NR3C1: variants seen among roughly 807,000 people sequenced by gnomAD.
The protein encoded by NR3C1 is glucocorticoid receptor.
NR3C1 carries 14 observed loss-of-function variants against 74.0 expected under a neutral mutation model. That is an observed-to-expected ratio of 0.19 (90% CI 0.12 to 0.30). The LOEUF is 0.30. Ranked by LOEUF, NR3C1 falls within the 10% of genes least tolerant of loss-of-function variation. The pLI is 1.00. For synonymous variants in NR3C1, 308 were observed against 332.5 expected (o/e 0.93, Z 0.80); for missense variants, 695 against 909.8 (o/e 0.76, Z 3.04).
chr5:143,426,088 A>G (rs576854329), intron 1 of NR3C1, among the ~76,000 whole-genome samples: 69 of 152,326 alleles, frequency 4.5e-4, no homozygotes, highest in African/African-American at 1.6e-3. Flanking sequence ...AGAAACCTTT[A>G]ATACAGTATG....
At chr5:143,353,362 CAAATTCTT>C (rs1460672683) in intron 2 of NR3C1, among the ~76,000 whole-genome samples, 4 of 152,182 alleles carry the variant, frequency 2.6e-5, no homozygotes, top group Admixed American at 2.6e-4. Flanking sequence ...CTGCGAATCA[CAAATTCTT>C]AATAGCATCT....
Position 143,279,468 on chromosome 5 carries a change from A to T in NR3C1, c.*2421T>A. ...GCTCTTTTTGAAACTTAACACTGTCATTGATAAGAATATTCAAGCAGTTTT... is the reference window on the plus strand; with the variant it reads ...GCTCTTTTTGAAACTTAACACTGTCTTTGATAAGAATATTCAAGCAGTTTT... On this transcript the variant is annotated 3_prime_UTR_variant, in exon 9 of 9. Coordinates refer to ENST00000394464, the MANE Select transcript of NR3C1 (RefSeq NM_000176.3). 6.9e-7 allele frequency: 1 copy of T among 1,455,470 alleles called. No homozygotes were observed. The highest frequency in any genetic ancestry group is 9.0e-7 in the Non-Finnish European group (1 of 1,109,472). The allele number at this position is 1,455,470 out of a possible 1,614,324, so 90.2% of individuals were successfully genotyped here. A position where few individuals can be genotyped will look rare whatever the true frequency, so the allele number is the denominator to read the frequency against.
At chr5:143,375,064 T>C (rs1305899435) in intron 2 of NR3C1, among the ~76,000 whole-genome samples, 1 of 152,186 alleles carries the variant, frequency 6.6e-6, no homozygotes, top group East Asian at 1.9e-4. Flanking sequence ...TCAGCAGCTA[T>C]ATTTGAACAC....
chr5:143,281,762 A>G lies in NR3C1; in HGVS notation c.*127T>C. ...TATAAACCACATGTAGTGCGTATTTAAAACAAAACAACAGATGAAAACAAT... is the reference window on the plus strand; with the variant it reads ...TATAAACCACATGTAGTGCGTATTTGAAACAAAACAACAGATGAAAACAAT... On this transcript the variant is annotated 3_prime_UTR_variant, in exon 9 of 9. Coordinates refer to ENST00000394464, the MANE Select transcript of NR3C1 (RefSeq NM_000176.3). The G allele has an allele frequency of 9.2e-7, 1 of 1,092,316 alleles. No homozygotes were observed. The highest frequency in any genetic ancestry group is 1.3e-6 in the Non-Finnish European group (1 of 749,206). The allele number at this position is 1,092,316 out of a possible 1,614,324, so 67.7% of individuals were successfully genotyped here.
chr5:143,294,992 C>T, intron 7 of NR3C1: 1 of 985,400 alleles, frequency 1.0e-6, no homozygotes, highest in Non-Finnish European at 1.2e-6. Flanking sequence ...AATCCAGCTC[C>T]CATGCTATGT....
rs186502176 is a variant in NR3C1 at position 143,340,556 on chromosome 5, C to T, written c.1185-26388G>A. On this transcript the variant is annotated intron_variant, in intron 2 of 8. Transcript: ENST00000394464. Reference sequence around the variant, plus strand: ...GGAGTCCAATGGCACAATCTTGGCTCACTGCAACCTCCGCCTCCTGGGTTG... The same window carrying T: ...GGAGTCCAATGGCACAATCTTGGCTTACTGCAACCTCCGCCTCCTGGGTTG... Among the ~76,000 whole-genome samples, 50 of 140,804 alleles carry T rather than the reference C, an allele frequency of 3.6e-4. 1 individual carries two copies. The East Asian group carries it at 0.01, about 29-fold the overall frequency. The allele number at this position is 140,804 out of a possible 152,430, so 92.4% of individuals were successfully genotyped here. A position where few individuals can be genotyped will look rare whatever the true frequency, so the allele number is the denominator to read the frequency against.
chr5:143,411,367 G>A (rs1207864548), intron 1 of NR3C1, among the ~76,000 whole-genome samples: 1 of 152,186 alleles, frequency 6.6e-6, no homozygotes, highest in South Asian at 2.1e-4. Context: ...GTACTTGAAA[G>A]CTATTATCAG....
chr5:143,396,467 T>A (rs996570664), intron 2 of NR3C1, among the ~76,000 whole-genome samples: 8 of 151,728 alleles, frequency 5.3e-5, no homozygotes, highest in African/African-American at 1.9e-4. Flanking sequence ...AAAGTATCCA[T>A]GGGGGTGAGG....
At chr5:143,406,450 T>G (rs1841116984), upstream of NR3C1, among the ~76,000 whole-genome samples, 1 of 151,714 alleles carries the variant, frequency 6.6e-6, no homozygotes, top group Admixed American at 6.6e-5. Context: ...TCTTCAGCAA[T>G]CTAAATGTGC....
intron 2 of NR3C1, among the ~76,000 whole-genome samples, chr5:143,325,237 A>G (rs1381843278): frequency 1.3e-5 from 2 of 152,242 alleles, no homozygotes; most frequent in Admixed American, 1.3e-4. Flanking sequence ...GGGAGGCCTC[A>G]GAATCATGGC....
intron 2 of NR3C1, among the ~76,000 whole-genome samples, chr5:143,356,449 T>C (rs1831158178): frequency 6.6e-6 from 1 of 152,044 alleles, no homozygotes; most frequent in African/African-American, 2.4e-5. Context: ...GTCTAGTATA[T>C]CAACAATTTC....
intron 4 of NR3C1, among the ~76,000 whole-genome samples, chr5:143,303,886 A>C (rs1476298881): frequency 6.6e-6 from 1 of 152,178 alleles, no homozygotes; most frequent in African/African-American, 2.4e-5. Flanking sequence ...CATGATAAAA[A>C]CCTTCACCAA....
At chr5:143,430,507 C>T (rs1385520251) in intron 1 of NR3C1, among the ~76,000 whole-genome samples, 1 of 152,174 alleles carries the variant, frequency 6.6e-6, no homozygotes, top group Non-Finnish European at 1.5e-5. Context: ...ACGTTGAAAT[C>T]CTAACCCCCA....
intron 2 of NR3C1, among the ~76,000 whole-genome samples, chr5:143,363,877 G>A (rs746483872): frequency 6.6e-6 from 1 of 151,818 alleles, no homozygotes; most frequent in African/African-American, 2.4e-5. Context: ...AGAATGGGGA[G>A]GAAAAAACTG....
At chr5:143,317,343 A>G (rs1822355968) in intron 2 of NR3C1, among the ~76,000 whole-genome samples, 2 of 152,118 alleles carry the variant, frequency 1.3e-5, no homozygotes, top group Non-Finnish European at 2.9e-5. Context: ...ACCCCCTTTG[A>G]ATGGGAAAGC....
intron 2 of NR3C1, among the ~76,000 whole-genome samples, chr5:143,396,030 G>A (rs529124169): frequency 6.6e-6 from 1 of 151,750 alleles, no homozygotes; most frequent in Non-Finnish European, 1.5e-5. Flanking sequence ...AAAGTGGTCA[G>A]ACTAAAATAC....
intron 2 of NR3C1, among the ~76,000 whole-genome samples, chr5:143,339,173 G>T (rs1423006595): frequency 6.6e-6 from 1 of 152,054 alleles, no homozygotes; most frequent in Non-Finnish European, 1.5e-5. Context: ...ACCTATCTCT[G>T]TTGTTAAGCA....
In NR3C1 at chr5:143,283,851, A is replaced by G. The variant is rs10482701; in HGVS notation, c.2024-1126T>C. On this transcript the variant is annotated intron_variant, in intron 7 of 8. Coordinates refer to ENST00000394464, the MANE Select transcript of NR3C1 (RefSeq NM_000176.3). The stretch of plus-strand genomic sequence containing the variant: ...GGAACACTGATTCTGTGTTAACTAT[A>G]GTTAGAGCGAGACAAAGGATTTGGT... Among the ~76,000 whole-genome samples, 831 of 152,336 alleles carry G rather than the reference A, an allele frequency of 5.5e-3. 5 individuals are homozygous for G. The highest frequency in any genetic ancestry group is 0.022 in the East Asian group (115 of 5,190).
chr5:143,413,172 ATG>A (rs916960657), intron 1 of NR3C1, among the ~76,000 whole-genome samples: 1 of 152,160 alleles, frequency 6.6e-6, no homozygotes, highest in Non-Finnish European at 1.5e-5. Context: ...ACTTACAGAA[ATG>A]TGTTAGATGC....
Sources: gnomAD v4.1 joint callset for allele counts (sites outside exome capture counted in the v4.1 genomes callset) on GRCh38, gnomAD v4.1.1 for gene constraint, MANE v1.5 for transcripts, NCBI Gene and HGNC (gene_info 2026-07-23, HGNC 2026-07-21) for gene names.